The following ALKBH3 variants were observed in gnomAD, a reference collection of about 807,000 sequenced individuals.
The protein encoded by ALKBH3 is alpha-ketoglutarate-dependent dioxygenase alkB homolog 3.
A neutral mutation model predicts 43.9 loss-of-function variants in ALKBH3; 51 were observed. The ratio of observed to expected loss-of-function variants is 1.16; its 90% confidence interval spans 0.93 to 1.47. ALKBH3 has a LOEUF of 1.47. Among genes scored for constraint, ALKBH3 ranks in the 40% most tolerant of loss-of-function variants. The pLI is 0.00. For missense variants in ALKBH3, 361 were observed against 351.9 expected, an observed-to-expected ratio of 1.03 and a Z score of -0.21; for synonymous variants, 102 against 115.2, an observed-to-expected ratio of 0.89 and a Z score of 0.73.
At chr11:43,894,889 A>G (rs1298799951) in intron 7 of ALKBH3, among the ~76,000 whole-genome samples, 1 of 152,230 alleles carries the variant, frequency 6.6e-6, no homozygotes, top group African/African-American at 2.4e-5. Context: ...TTCTACCACA[A>G]TAAAAAAGGA....
chr11:43,905,039 TCA>T (rs1409734698), intron 8 of ALKBH3, among the ~76,000 whole-genome samples: 2 of 152,144 alleles, frequency 1.3e-5, no homozygotes, highest in African/African-American at 4.8e-5. Context: ...TTGACTTGAG[TCA>T]CAGTTTCGCA....
At chr11:43,915,215 GA>G (rs978733020) in intron 8 of ALKBH3, among the ~76,000 whole-genome samples, 983 of 78,290 alleles carry the variant, frequency 0.013, 19 homozygotes, top group South Asian at 0.056. Context: ...CTCAAAAAAA[GA>G]AAAAAAAAAA....
intron 4 of ALKBH3, among the ~76,000 whole-genome samples, chr11:43,885,059 GGTT>G (rs1951738047): frequency 6.6e-6 from 1 of 152,026 alleles, no homozygotes; most frequent in African/African-American, 2.4e-5. Flanking sequence ...CCAGGCCTTT[GGTT>G]GTTTTAAAAA....
intron 5 of ALKBH3, among the ~76,000 whole-genome samples, chr11:43,888,381 G>T (rs1054844941): frequency 6.6e-6 from 1 of 151,958 alleles, no homozygotes; most frequent in Non-Finnish European, 1.5e-5. Flanking sequence ...GGGATTACAG[G>T]CGTAAGCCAC....
chr11:43,918,324 T>A (rs780432911), intron 8 of ALKBH3, among the ~76,000 whole-genome samples: 1 of 152,246 alleles, frequency 6.6e-6, no homozygotes, highest in Non-Finnish European at 1.5e-5. Flanking sequence ...GCTCTCTGTG[T>A]AAATACAAAG....
intron 5 of ALKBH3, among the ~76,000 whole-genome samples, chr11:43,887,816 T>A (rs1010767256): frequency 6.6e-6 from 1 of 151,896 alleles, no homozygotes; most frequent in Non-Finnish European, 1.5e-5. Context: ...TGAGACAGAG[T>A]CTCACTCTGT....
At chr11:43,913,713 C>T (rs189980833) in intron 8 of ALKBH3, among the ~76,000 whole-genome samples, 168 of 152,296 alleles carry the variant, frequency 1.1e-3, no homozygotes, top group Non-Finnish European at 1.9e-3. Flanking sequence ...CAGATGACAA[C>T]GGTCTTAGAC....
At chr11:43,919,800 C>T in intron 9 of ALKBH3, 118 bp from the exon 10 acceptor site, 4 of 956,578 alleles carry the variant, frequency 4.2e-6, no homozygotes, top group East Asian at 2.4e-5. Flanking sequence ...GCTTACTACT[C>T]ATTTAAGGGG....
In ALKBH3 at chr11:43,901,911, C is replaced by T. The variant is rs557401036; in HGVS notation, c.669+186C>T. ...TCCAAAGTGCTCCTTCATTCATTTA[C>T]AAGTCCAACAAGAATTGGCTGCCTT... On this transcript the variant is annotated intron_variant, in intron 8 of 9. Transcript: ENST00000302708. 2.4e-4 allele frequency among the ~76,000 whole-genome samples: 37 copies of T among 152,336 alleles called. 1 individual carries two copies. The highest frequency in any genetic ancestry group is 3.4e-3 in the Middle Eastern group (1 of 294).
At chr11:43,896,237 T>C (rs1018182302) in intron 7 of ALKBH3, among the ~76,000 whole-genome samples, 9 of 150,998 alleles carry the variant, frequency 6.0e-5, no homozygotes, top group African/African-American at 2.0e-4. Context: ...ACTATTAGGG[T>C]TCTCTAGAGG....
In ALKBH3 at chr11:43,901,551, T is replaced by C. The variant is rs758957781; in HGVS notation, c.495T>C (p.Ile165=). The C allele has an allele frequency of 2.5e-5, 40 of 1,614,016 alleles. No homozygotes were observed. Among genetic ancestry groups the C allele is most frequent in the Non-Finnish European group, 3.4e-5 (40 of 1,180,050 alleles). ...TGCTGCGCACACTAAAGAACCGCATTGAAGAGAACACTGGCCACACCTTCA... is the reference window on the plus strand; with the variant it reads ...TGCTGCGCACACTAAAGAACCGCATCGAAGAGAACACTGGCCACACCTTCA... ...HPVLRTLKNR[I]EENTGHTFNS... is the part of the protein sequence containing the mutation. The change falls in exon 8 of 10, where the codon ATT becomes ATC. Residue 165 remains isoleucine, a synonymous_variant. Transcript: ENST00000302708.
At chr11:43,913,106 T>TA (rs1157441702) in intron 8 of ALKBH3, among the ~76,000 whole-genome samples, 6,828 of 133,804 alleles carry the variant, frequency 0.051, 357 homozygotes, top group African/African-American at 0.14. Context: ...TTCCAGTTGT[T>TA]AAAAAAAAAA....
chr11:43,898,045 G>T (rs1951831841), intron 7 of ALKBH3: 1 of 926,990 alleles, frequency 1.1e-6, no homozygotes, highest in Admixed American at 1.7e-5. Flanking sequence ...GTCCATGGCT[G>T]TTGTCATCCC....
intron 7 of ALKBH3, chr11:43,898,283 G>A (rs1951834439): frequency 2.7e-6 from 2 of 745,110 alleles, no homozygotes; most frequent in East Asian, 4.9e-5. Flanking sequence ...CAGTTCCTAT[G>A]TGCATGGGAT....
intron 8 of ALKBH3, chr11:43,916,724 T>C (rs905416345): frequency 3.9e-5 from 6 of 152,236 alleles, no homozygotes; most frequent in African/African-American, 1.4e-4. Flanking sequence ...TGCACAGCCA[T>C]GTGGGTTCCT....
At chr11:43,906,606 TGGGAGGCCGAGATGGGAG>T (rs1392378300) in intron 8 of ALKBH3, among the ~76,000 whole-genome samples, 3 of 152,144 alleles carry the variant, frequency 2.0e-5, no homozygotes, top group African/African-American at 7.2e-5. Flanking sequence ...CCCAGCACTT[TGGGAGGCCGAGATGGGAG>T]GATCCCTTGA....
At chr11:43,899,576 G>A (rs888978354) in intron 7 of ALKBH3, 6 of 630,448 alleles carry the variant, frequency 9.5e-6, no homozygotes, top group Admixed American at 2.2e-5. Context: ...CGCACCACCT[G>A]CACCTAGTGT....
chr11:43,898,692 G>T, intron 7 of ALKBH3: 1 of 717,112 alleles, frequency 1.4e-6, no homozygotes, highest in South Asian at 1.5e-5. Flanking sequence ...TCGAGGTGGT[G>T]AAGGCCAGTT....
rs762790672 is a variant in ALKBH3, at chr11:43,883,200, G to T, written c.183+12G>T. The T allele has an allele frequency of 7.5e-6, 12 of 1,602,748 alleles. No homozygotes were observed. In the East Asian group the frequency reaches 1.1e-4, roughly 15 times the overall value. ...AAGAACCTCAGCAGGTAAATTCATGGTTTTTTCTTCAATAGTGATAAAAAT... is the reference window on the plus strand; with the variant it reads ...AAGAACCTCAGCAGGTAAATTCATGTTTTTTTCTTCAATAGTGATAAAAAT... On this transcript the variant is annotated intron_variant, in intron 3 of 9. Coordinates refer to ENST00000302708, the MANE Select transcript of ALKBH3 (RefSeq NM_139178.4).
Sources: allele counts gnomAD v4.1 joint callset (sites outside exome capture counted in the v4.1 genomes callset), GRCh38; gene constraint gnomAD v4.1.1; transcripts MANE v1.5; gene names NCBI Gene and HGNC (gene_info 2026-07-23, HGNC 2026-07-21).